ZFYVE26: variants seen among roughly 807,000 people sequenced by gnomAD.
ZFYVE26 encodes zinc finger FYVE domain-containing protein 26.
Under a neutral mutation model 276.5 loss-of-function variants are expected in ZFYVE26, and 181 were observed. The ratio of observed to expected loss-of-function variants is 0.65; its 90% CI spans 0.58 to 0.74. The LOEUF (loss-of-function observed/expected upper bound fraction) is 0.74. Among genes scored for constraint, ZFYVE26 ranks in the 30% least tolerant of loss-of-function variants. ZFYVE26 has a pLI of 0.00. For missense variants in ZFYVE26, 2,821 were observed against 3,097.9 expected (o/e 0.91, Z 2.12); for synonymous variants, 1,129 against 1,203.1 (o/e 0.94, Z 1.27).
chr14:67,761,324 G>A (rs780384124), intron 35 of ZFYVE26, 42 bp downstream of exon 35: 3 of 1,550,572 alleles, frequency 1.9e-6, no homozygotes, highest in East Asian at 2.3e-5. Flanking sequence ...AGCCAGAGGA[G>A]TAAGGCAGGC....
chr14:67,732,421 C>T (rs1324476233), intron 13 of ZFYVE26, among the ~76,000 whole-genome samples: 2 of 89,014 alleles, frequency 2.2e-5, no homozygotes, highest in East Asian at 8.1e-4. Context: ...TGAAGTGAGA[C>T]CCTATCTCAA....
chr14:67,800,333 T>C (rs2040050784), intron 10 of ZFYVE26, among the ~76,000 whole-genome samples: 1 of 152,194 alleles, frequency 6.6e-6, no homozygotes, highest in South Asian at 2.1e-4. Flanking sequence ...AGATGTATGT[T>C]ATAGTCCTGC....
At chr14:67,816,077 A>G (rs2040400981) in intron 1 of ZFYVE26, 31 bp from the exon 2 acceptor site, 3 of 836,742 alleles carry the variant, frequency 3.6e-6, no homozygotes, top group South Asian at 1.7e-5. Flanking sequence ...GTGAGAAGAA[A>G]CAGAAGGCAC....
chr14:67,753,958 T>A, intron 38 of ZFYVE26, 113 bp downstream of exon 38: 1 of 1,569,084 alleles, frequency 6.4e-7, no homozygotes, highest in South Asian at 1.1e-5. Flanking sequence ...CATATTCTAG[T>A]GGGGAGGCAG....
At chr14:67,757,358 A>G (rs1241940812) in intron 35 of ZFYVE26, among the ~76,000 whole-genome samples, 2 of 152,140 alleles carry the variant, frequency 1.3e-5, no homozygotes, top group Non-Finnish European at 2.9e-5. Context: ...GACCTTTCTG[A>G]CTTTATCTGA....
Position 67,780,295 on chromosome 14 carries a change from C to T in ZFYVE26, c.4620G>A (p.Arg1540=). 6.2e-7 allele frequency: 1 copy of T among 1,614,018 alleles called. No individual in the cohort carries two copies. Among genetic ancestry groups the T allele is most frequent in the Non-Finnish European group, 8.5e-7 (1 of 1,179,998 alleles). ...PPVWCDWQTL[R]SCCVEDPSTV... ...TTGATGGGTCCTCAACACAACAGCT[C>T]CTCAAGGTCTGCCAGTCACACCACA... Residue 1540 remains arginine, a synonymous_variant, in exon 23 of 42, where the codon AGG becomes AGA. Coordinates refer to ENST00000347230, the MANE Select transcript of ZFYVE26 (RefSeq NM_015346.4).
chr14:67,811,156 A>C (rs867824407), intron 3 of ZFYVE26, among the ~76,000 whole-genome samples: 1 of 152,330 alleles, frequency 6.6e-6, no homozygotes, highest in Middle Eastern at 3.4e-3. Flanking sequence ...AGACTAACAG[A>C]AAAGAATAGA....
intron 3 of ZFYVE26, among the ~76,000 whole-genome samples, chr14:67,810,216 T>C (rs950932417): frequency 1.3e-5 from 2 of 152,216 alleles, no homozygotes; most frequent in South Asian, 4.1e-4. Context: ...TTTTGTCACT[T>C]GAGGTCTTTC....
chr14:67,786,313 T>C, intron 16 of ZFYVE26, 80 bp from the exon 17 acceptor site: 1 of 1,501,700 alleles, frequency 6.7e-7, no homozygotes. Context: ...GTCCTGTATT[T>C]ACCTGTGAAA....
chr14:67,775,056 AG>A lies in ZFYVE26; in HGVS notation c.5279del (p.Pro1760LeufsTer24). On this transcript the variant is annotated frameshift_variant, in exon 27 of 42. Transcript: ENST00000347230. LOFTEE classifies it high-confidence loss of function. The stretch of plus-strand genomic sequence containing the variant: ...GAGAGAACTCTGCTGATGGTGATCT[AG>A]GGAGGGTCTCGGGATCTGCAGCCTG... ...VHQAADPETL[P>X]RSPSAEFSPA... 1 of 1,613,156 alleles carries A rather than the reference AG, an allele frequency of 6.2e-7. No individual in the cohort carries two copies. The highest frequency in any genetic ancestry group is 8.5e-7 in the Non-Finnish European group (1 of 1,179,726).
At chr14:67,791,785 C>T (rs535282101) in intron 14 of ZFYVE26, among the ~76,000 whole-genome samples, 1 of 145,748 alleles carries the variant, frequency 6.9e-6, no homozygotes, top group Non-Finnish European at 1.5e-5. Flanking sequence ...GAGGGGCTGG[C>T]GTGGTGGCTC....
intron 32 of ZFYVE26, 90 bp from the exon 33 acceptor site, chr14:67,762,909 T>C (rs2038970862): frequency 1.3e-6 from 2 of 1,554,138 alleles, no homozygotes; most frequent in East Asian, 2.3e-5. Flanking sequence ...TTTTCTTTTT[T>C]CTGTTTGTTT....
At chr14:67,801,198 C>T (rs2140246024) in intron 10 of ZFYVE26, among the ~76,000 whole-genome samples, 1 of 151,914 alleles carries the variant, frequency 6.6e-6, no homozygotes, top group East Asian at 1.9e-4. Flanking sequence ...TTGCAGTGAG[C>T]TGAGATCAAA....
chr14:67,730,293 G>A (rs993636818), intron 13 of ZFYVE26, among the ~76,000 whole-genome samples: 1 of 152,156 alleles, frequency 6.6e-6, no homozygotes, highest in African/African-American at 2.4e-5. Context: ...GTGCCATTCA[G>A]TATGGTAGCC....
chr14:67,797,926 C>T (rs763311751), intron 11 of ZFYVE26, 88 bp downstream of exon 11: 65 of 1,604,556 alleles, frequency 4.1e-5, no homozygotes, highest in Non-Finnish European at 4.9e-5. Flanking sequence ...TATGGGGTGA[C>T]TCCTATGTAC....
chr14:67,798,069 C>G lies in ZFYVE26; in HGVS notation c.2193G>C (p.Lys731Asn). Residue 731 changes from lysine to asparagine, a missense_variant, in exon 11 of 42, where the codon AAG becomes AAC. Coordinates refer to ENST00000347230, the MANE Select transcript of ZFYVE26 (RefSeq NM_015346.4). The stretch of plus-strand genomic sequence containing the variant: ...GTCTCCACTGGGCCTCAGAGACAAC[C>G]TTGGAAAGTCGATGCAGGCGGCTCT... ...GLQSRLHRLS[K>N]VVSEAQWRHK... 10 of 1,614,158 alleles carry G rather than the reference C, an allele frequency of 6.2e-6. No individual in the cohort carries two copies. Among genetic ancestry groups the G allele is most frequent in the Non-Finnish European group, 8.5e-6 (10 of 1,180,020 alleles).
chr14:67,797,421 C>A (rs777333751), intron 12 of ZFYVE26: 45 of 536,634 alleles, frequency 8.4e-5, no homozygotes, highest in Non-Finnish European at 1.4e-4. Context: ...ATGAAAAAAG[C>A]AAGCTGCAGT....
In ZFYVE26 at chr14:67,732,235, C is replaced by T. The variant is rs558280623; in HGVS notation, n.2680-2416G>A. Among the ~76,000 whole-genome samples the T allele has an allele frequency of 7.8e-4, 118 of 151,644 alleles. No homozygotes were observed. In the South Asian group the frequency reaches 0.014, roughly 17 times the overall value. On this transcript the variant is annotated intron_variant and non_coding_transcript_variant, in intron 13 of 14. Coordinates refer to the ZFYVE26 transcript ENST00000394455. The stretch of plus-strand genomic sequence containing the variant: ...GAGGATTGCTTGAGCTCGGGAATTC[C>T]ATACCAGCCTGGACAACAAAGTGAG...
At chr14:67,803,758 A>G (rs1328196182) in intron 9 of ZFYVE26, among the ~76,000 whole-genome samples, 1 of 152,200 alleles carries the variant, frequency 6.6e-6, no homozygotes, top group African/African-American at 2.4e-5. Flanking sequence ...GCCACTCACT[A>G]AGAATTTGCA....
Sources: gnomAD v4.1 joint callset for allele counts (sites outside exome capture counted in the v4.1 genomes callset) on GRCh38, gnomAD v4.1.1 for gene constraint, MANE v1.5 for transcripts, NCBI Gene and HGNC (gene_info 2026-07-23, HGNC 2026-07-21) for gene names.